Variants in FBXL17 observed in about 807,000 individuals in gnomAD.
FBXL17 encodes the protein F-box and leucine rich repeat protein 17.
FBXL17 carries 22 observed loss-of-function variants against 66.2 expected under a neutral mutation model. The ratio of observed to expected loss-of-function variants is 0.33; its 90% CI spans 0.24 to 0.47. The LOEUF is 0.47. Among genes scored for constraint, FBXL17 ranks in the 20% least tolerant of loss-of-function variants. The pLI, the probability that FBXL17 is intolerant of heterozygous loss-of-function variation, is 1.00. For missense variants in FBXL17, 878 were observed against 948.2 expected, an observed-to-expected ratio of 0.93 and a Z score of 0.97; for synonymous variants, 474 against 400.5, an observed-to-expected ratio of 1.18 and a Z score of -2.19.
chr5:107,896,566 T>A (rs1052008613), intron 7 of FBXL17, among the ~76,000 whole-genome samples: 3 of 152,180 alleles, frequency 2.0e-5, no homozygotes, highest in Non-Finnish European at 4.4e-5. Flanking sequence ...CTTGCAGTTC[T>A]TGTCTATTTT....
At chr5:107,862,709 G>A (rs1008051455) in intron 8 of FBXL17, among the ~76,000 whole-genome samples, 5 of 152,072 alleles carry the variant, frequency 3.3e-5, no homozygotes, top group East Asian at 3.8e-4. Context: ...CATTTATACC[G>A]AGTAAGCTAG....
intron 4 of FBXL17, among the ~76,000 whole-genome samples, chr5:108,266,059 T>C (rs73214553): frequency 0.013 from 1,953 of 152,284 alleles, 35 homozygotes; most frequent in African/African-American, 0.043. Flanking sequence ...GTCTATAATA[T>C]ACGAGTAAGT....
At chr5:107,971,768 C>T (rs1752381919) in intron 7 of FBXL17, among the ~76,000 whole-genome samples, 1 of 152,184 alleles carries the variant, frequency 6.6e-6, no homozygotes, top group Non-Finnish European at 1.5e-5. Flanking sequence ...AAAAAGTTCA[C>T]ATGATTATTG....
At chr5:108,085,052 T>C (rs1748917315) in intron 6 of FBXL17, among the ~76,000 whole-genome samples, 1 of 152,232 alleles carries the variant, frequency 6.6e-6, no homozygotes, top group Non-Finnish European at 1.5e-5. Context: ...TTTTCCTCAT[T>C]ATCTTCACCC....
chr5:107,908,913 G>A (rs1462650198), intron 7 of FBXL17, among the ~76,000 whole-genome samples: 1 of 152,154 alleles, frequency 6.6e-6, no homozygotes, highest in Non-Finnish European at 1.5e-5. Flanking sequence ...CTGGGACAGT[G>A]AACTCCTTCT....
At chr5:107,912,382 ATT>A (rs1476602426) in intron 7 of FBXL17, among the ~76,000 whole-genome samples, 1 of 152,198 alleles carries the variant, frequency 6.6e-6, no homozygotes, top group Non-Finnish European at 1.5e-5. Flanking sequence ...TCACTGAAGT[ATT>A]TATTATAGTG....
At chr5:108,089,916 C>T (rs1749126513) in intron 6 of FBXL17, among the ~76,000 whole-genome samples, 1 of 152,122 alleles carries the variant, frequency 6.6e-6, no homozygotes, top group African/African-American at 2.4e-5. Flanking sequence ...TAGACTCGAC[C>T]TCCTGGGCTC....
chr5:108,155,874 C>A (rs1042765105), intron 6 of FBXL17, among the ~76,000 whole-genome samples: 2 of 152,068 alleles, frequency 1.3e-5, no homozygotes, highest in Non-Finnish European at 2.9e-5. Context: ...TAATTATTAT[C>A]CTTCTCTGCA....
chr5:108,142,957 C>T (rs1751410070), intron 6 of FBXL17, among the ~76,000 whole-genome samples: 1 of 123,286 alleles, frequency 8.1e-6, no homozygotes, highest in African/African-American at 2.8e-5. Flanking sequence ...ACGTTCTGCA[C>T]ATGTACCCCA....
chr5:107,964,676 T>C (rs776302373), intron 7 of FBXL17, among the ~76,000 whole-genome samples: 12 of 152,098 alleles, frequency 7.9e-5, no homozygotes, highest in Non-Finnish European at 1.8e-4. Context: ...AGCTAATAAC[T>C]GAGACCCCAA....
intron 3 of FBXL17, among the ~76,000 whole-genome samples, chr5:108,350,326 C>G (rs1747563358): frequency 6.6e-6 from 1 of 152,140 alleles, no homozygotes; most frequent in Non-Finnish European, 1.5e-5. Flanking sequence ...CTGGGGAGAG[C>G]AAAACGTAGG....
chr5:108,348,757 C>A (rs1747447955), intron 3 of FBXL17, among the ~76,000 whole-genome samples: 1 of 152,156 alleles, frequency 6.6e-6, no homozygotes, highest in Admixed American at 6.5e-5. Context: ...TACAAGCCCT[C>A]CAAGGTATGT....
At chr5:108,025,133 C>T (rs1754752362) in intron 6 of FBXL17, among the ~76,000 whole-genome samples, 1 of 152,088 alleles carries the variant, frequency 6.6e-6, no homozygotes, top group African/African-American at 2.4e-5. Context: ...ATGACTACAT[C>T]GCTTGCAATA....
At chr5:107,982,263 G>A (rs1752857929) in intron 7 of FBXL17, among the ~76,000 whole-genome samples, 1 of 151,982 alleles carries the variant, frequency 6.6e-6, no homozygotes, top group Non-Finnish European at 1.5e-5. Flanking sequence ...TGTACTTTAA[G>A]GTACATCAGG....
intron 3 of FBXL17, among the ~76,000 whole-genome samples, chr5:108,354,215 G>C (rs969740843): frequency 6.6e-6 from 1 of 152,062 alleles, no homozygotes; most frequent in African/African-American, 2.4e-5. Flanking sequence ...ACAATTTCAG[G>C]AGACTGAAAA....
intron 5 of FBXL17, among the ~76,000 whole-genome samples, chr5:108,207,975 T>G (rs1754199582): frequency 6.6e-6 from 1 of 152,202 alleles, no homozygotes; most frequent in Non-Finnish European, 1.5e-5. Context: ...CTCTAGCATC[T>G]GTTGTTTCCT....
At chr5:108,282,180 A>T (rs1757726647) in intron 4 of FBXL17, among the ~76,000 whole-genome samples, 1 of 151,882 alleles carries the variant, frequency 6.6e-6, no homozygotes, top group Non-Finnish European at 1.5e-5. Flanking sequence ...ATATGAATCC[A>T]GTATCATCCT....
intron 7 of FBXL17, among the ~76,000 whole-genome samples, chr5:107,952,974 C>G (rs1751545028): frequency 1.3e-5 from 2 of 152,170 alleles, no homozygotes; most frequent in Non-Finnish European, 2.9e-5. Context: ...ACCAAATATT[C>G]CTCCCCTCTC....
At chr5:108,064,466 T>A (rs1176443639) in intron 6 of FBXL17, among the ~76,000 whole-genome samples, 4 of 152,120 alleles carry the variant, frequency 2.6e-5, no homozygotes, top group Admixed American at 1.3e-4. Context: ...GGGATGGAGA[T>A]GCCAAGGGAG....
Sources: allele counts gnomAD v4.1 joint callset (sites outside exome capture counted in the v4.1 genomes callset), GRCh38; gene constraint gnomAD v4.1.1; transcripts MANE v1.5; gene names NCBI Gene and HGNC (gene_info 2026-07-23, HGNC 2026-07-21).